Variants in DCHS2 observed in about 807,000 individuals in gnomAD.
DCHS2 encodes protocadherin-23.
Under a neutral mutation model 182.4 loss-of-function variants are expected in DCHS2, and 142 were observed. That is an observed-to-expected ratio of 0.78 (90% CI 0.68 to 0.89). The LOEUF (loss-of-function observed/expected upper bound fraction) is 0.89, where lower values mean the gene tolerates loss of function less well. Among genes scored for constraint, DCHS2 ranks in the 40% least tolerant of loss-of-function variants. The probability of loss-of-function intolerance (pLI) is 0.00; values close to 1 mark genes in which losing one functional copy is unlikely to be tolerated. For synonymous variants in DCHS2, 1,740 were observed against 1,663.3 expected, an observed-to-expected ratio of 1.05 and a Z score of -1.12; for missense variants, 4,319 against 4,198.6, an observed-to-expected ratio of 1.03 and a Z score of -0.79.
chr4:154,475,176 T>G (rs1735634844), intron 1 of DCHS2, among the ~76,000 whole-genome samples: 1 of 152,156 alleles, frequency 6.6e-6, no homozygotes, highest in Admixed American at 6.5e-5. Flanking sequence ...AAGAAACAAA[T>G]GTACTGAACT....
intron 1 of DCHS2, among the ~76,000 whole-genome samples, chr4:154,485,709 A>C (rs1384522641): frequency 2.0e-5 from 3 of 152,356 alleles, no homozygotes; most frequent in East Asian, 3.9e-4. Context: ...TAAATAAATG[A>C]ATTGATGAAT....
At position 154,259,527 on chromosome 4, in the gene DCHS2, C is replaced by CAA. The variant is rs769506969; in HGVS notation, c.6789+16_6789+17dup. ...ACACACACACACACACACACACACA[C>CAA]AAATATATTTCTGTTACCTGTATGA... On this transcript the variant is annotated intron_variant, in intron 15 of 19. Transcript: ENST00000357232. 6.2e-7 allele frequency: 1 copy of CAA among 1,606,594 alleles called. No homozygotes were observed. The highest frequency in any genetic ancestry group is 8.5e-7 in the Non-Finnish European group (1 of 1,178,688).
intron 16 of DCHS2, among the ~76,000 whole-genome samples, chr4:154,253,707 A>G (rs939752187): frequency 6.6e-6 from 1 of 152,258 alleles, no homozygotes; most frequent in African/African-American, 2.4e-5. Context: ...AAAGTCTTAA[A>G]CTTTTAAAAT....
intron 3 of DCHS2, among the ~76,000 whole-genome samples, chr4:154,346,888 G>A (rs1180033449): frequency 1.3e-5 from 2 of 151,686 alleles, no homozygotes; most frequent in Admixed American, 6.6e-5. Context: ...TCACAAAACT[G>A]GACATTTAAA....
chr4:154,342,833 A>G (rs1729171757), intron 3 of DCHS2, among the ~76,000 whole-genome samples: 1 of 152,152 alleles, frequency 6.6e-6, no homozygotes, highest in Non-Finnish European at 1.5e-5. Context: ...TCTTAATGGC[A>G]TCTAGAATGG....
Position 154,366,461 on chromosome 4 carries a change from T to G in DCHS2, c.2245-20A>C. 1.3e-6 allele frequency: 2 copies of G among 1,555,692 alleles called. No homozygotes were observed. The highest frequency in any genetic ancestry group is 1.4e-5 in the African/African-American group (1 of 73,876). On this transcript the variant is annotated intron_variant, in intron 2 of 19. Coordinates refer to ENST00000357232, the MANE Select transcript of DCHS2 (RefSeq NM_001358235.2). ...CCCACCCTGGTGGATGAATGAGTGG[T>G]GATTACAAATGGGTTTTTGCTGAAC... is the stretch of plus-strand genomic sequence containing the variant.
chr4:154,427,759 C>T (rs1369820790), intron 1 of DCHS2, among the ~76,000 whole-genome samples: 2 of 152,154 alleles, frequency 1.3e-5, no homozygotes, highest in Admixed American at 1.3e-4. Flanking sequence ...AAGAGTGGGT[C>T]TGAAGACTCC....
At position 154,491,222 on chromosome 4, in the gene DCHS2, C is replaced by G. The variant is rs982208790; in HGVS notation, c.134G>C (p.Arg45Pro). Residue 45 changes from arginine to proline, a missense_variant, in exon 1 of 20, where the codon CGC (arginine) becomes CCC (proline). Arg to Pro is a moderately radical substitution (Grantham distance 103). Coordinates refer to ENST00000357232, the MANE Select transcript of DCHS2 (RefSeq NM_001358235.2). ...GTGCACCAAGAGCCAGAGCAGGGAGCGCTGCGTCCTGGCGCCGCTGCTGCC... is the reference window on the plus strand; with the variant it reads ...GTGCACCAAGAGCCAGAGCAGGGAGGGCTGCGTCCTGGCGCCGCTGCTGCC... ...RSGSSGARTQ[R>P]SLLWLLVHVW... 6.4e-7 allele frequency: 1 copy of G among 1,551,328 alleles called. No individual in the cohort carries two copies. The highest frequency in any genetic ancestry group is 1.4e-5 in the African/African-American group (1 of 73,060).
At chr4:154,372,490 T>C (rs1730688332) in intron 2 of DCHS2, among the ~76,000 whole-genome samples, 1 of 152,126 alleles carries the variant, frequency 6.6e-6, no homozygotes, top group Non-Finnish European at 1.5e-5. Flanking sequence ...CCCTTAAACC[T>C]TCAGTGGTGA....
rs1047642793 is a variant in DCHS2 at position 154,491,015 on chromosome 4, T to G, written c.341A>C (p.Asp114Ala). 25 of 1,550,598 alleles carry G rather than the reference T, an allele frequency of 1.6e-5. No individual in the cohort carries two copies. Among genetic ancestry groups the G allele is most frequent in the Non-Finnish European group, 2.2e-5 (25 of 1,146,536 alleles). ...SEDSDDSPLL[D>A]DFHVHPDTGI... The stretch of plus-strand genomic sequence containing the variant: ...GGTGTCCGGGTGCACGTGGAAGTCG[T>G]CCAGCAGCGGGGAGTCATCGGAGTC... The change falls in exon 1 of 20, where the codon GAC (aspartate) becomes GCC (alanine). Residue 114 changes from aspartate (D) to alanine (A), a missense_variant. Physicochemically the swap from Asp to Ala is moderately radical, Grantham distance 126. Transcript: ENST00000357232.
Position 154,490,420 on chromosome 4 carries a change from G to T in DCHS2, c.936C>A (p.Gly312=). ...TGGCGCGCACGCGACAGACCTCGGC[G>T]CCCGGCTGGGCGTCCTCGCGCACCG... is the stretch of plus-strand genomic sequence containing the variant. ...RAAVREDAQP[G]AEVCRVRATD... The change falls in exon 1 of 20, where the codon GGC becomes GGA. Residue 312 remains glycine (G), a synonymous_variant. Transcript: ENST00000357232. 1 of 1,533,466 alleles carries T rather than the reference G, an allele frequency of 6.5e-7. No homozygotes were observed. The highest frequency in any genetic ancestry group is 8.7e-7 in the Non-Finnish European group (1 of 1,144,964). 95.0% of individuals were successfully genotyped at this position (1,533,466 alleles called of 1,614,324 possible). A position where few individuals can be genotyped will look rare whatever the true frequency, so the allele number is the denominator to read the frequency against.
At position 154,236,021 on chromosome 4, in the gene DCHS2, C is replaced by T; in HGVS notation, c.8631G>A (p.Glu2877=). ...AATACTGATCTTGAGTGAAAATGGG[C>T]TCAAATTCATCTATCCCTTCAATAT... ...WVDIEGIDEF[E]PIFTQDQYFF... The change falls in exon 20 of 20, where the codon GAG becomes GAA. Residue 2877 remains glutamate, a synonymous_variant. Transcript: ENST00000357232. The T allele has an allele frequency of 1.2e-6, 2 of 1,613,888 alleles. No individual in the cohort carries two copies. The highest frequency in any genetic ancestry group is 2.2e-5 in the South Asian group (2 of 91,062).
At chr4:154,360,160 A>G (rs752422680) in intron 3 of DCHS2, among the ~76,000 whole-genome samples, 3 of 152,236 alleles carry the variant, frequency 2.0e-5, no homozygotes, top group Non-Finnish European at 2.9e-5. Flanking sequence ...TAATTAATGT[A>G]AGACTCAAAT....
At chr4:154,403,888 T>A (rs1335475983) in intron 1 of DCHS2, among the ~76,000 whole-genome samples, 3 of 152,194 alleles carry the variant, frequency 2.0e-5, no homozygotes, top group Non-Finnish European at 4.4e-5. Context: ...CTGAAACAAG[T>A]TTACATACCC....
chr4:154,278,325 A>G (rs889041954), intron 13 of DCHS2, among the ~76,000 whole-genome samples: 5 of 152,092 alleles, frequency 3.3e-5, no homozygotes, highest in Non-Finnish European at 7.4e-5. Context: ...AACAACAGCA[A>G]CAATAAAATA....
rs372043525 is a variant in DCHS2 at position 154,380,785 on chromosome 4, C to T, written c.2053-3341G>A. 2.0e-5 allele frequency among the ~76,000 whole-genome samples: 3 copies of T among 152,134 alleles called. No homozygotes were observed. In the East Asian group the frequency reaches 5.8e-4, roughly 29 times the overall value. The stretch of plus-strand genomic sequence containing the variant: ...GACCAAAATACCTAAAAATATTGAC[C>T]TAGTATTCTCAACAACATATCCCAC... On this transcript the variant is annotated intron_variant, in intron 1 of 19. Transcript: ENST00000357232.
In DCHS2 at chr4:154,323,333, CCA is replaced by C; in HGVS notation, c.4019-847_4019-846del. 6.1e-6 allele frequency: 9 copies of C among 1,485,112 alleles called. No individual in the cohort carries two copies. The Admixed American group carries it at 1.2e-4, about 20-fold the overall frequency. 92.0% of individuals were successfully genotyped at this position (1,485,112 alleles called of 1,614,324 possible). A position where few individuals can be genotyped will look rare whatever the true frequency, so the allele number is the denominator to read the frequency against. ...CCCTTCAGAGGCATAGGTCTAGCTGCCAAAAAAAAAAAAAAAGATGAAGTCTC... is the reference window on the plus strand; with the variant it reads ...CCCTTCAGAGGCATAGGTCTAGCTGCAAAAAAAAAAAAAAGATGAAGTCTC... On this transcript the variant is annotated intron_variant, in intron 7 of 19. Transcript: ENST00000357232.
chr4:154,289,801 G>A (rs1734566953), intron 13 of DCHS2, among the ~76,000 whole-genome samples: 1 of 152,056 alleles, frequency 6.6e-6, no homozygotes, highest in African/African-American at 2.4e-5. Flanking sequence ...ACCAATGGAT[G>A]TGATACATCA....
Position 154,235,202 on chromosome 4 carries a change from A to G in DCHS2, c.9450T>C (p.Asp3150=), listed in dbSNP as rs1215437226. 1 of 1,614,022 alleles carries G rather than the reference A, an allele frequency of 6.2e-7. No individual in the cohort carries two copies. The highest frequency in any genetic ancestry group is 1.7e-5 in the Admixed American group (1 of 60,016). ...DQLSCLSGET[D]VMVTAETAEA... The stretch of plus-strand genomic sequence containing the variant: ...CTGCTGTTTCGGCAGTCACCATCAC[A>G]TCAGTTTCCCCAGATAGGCAGGAGA... The change falls in exon 20 of 20, where the codon GAT becomes GAC. Residue 3150 remains aspartate, a synonymous_variant. Coordinates refer to ENST00000357232, the MANE Select transcript of DCHS2 (RefSeq NM_001358235.2).
Sources: allele counts gnomAD v4.1 joint callset (sites outside exome capture counted in the v4.1 genomes callset), GRCh38; gene constraint gnomAD v4.1.1; transcripts MANE v1.5; gene names NCBI Gene and HGNC (gene_info 2026-07-23, HGNC 2026-07-21).